Variants in CCDC141 observed in about 807,000 individuals in gnomAD.
CCDC141 encodes coiled-coil domain containing 141.
CCDC141 carries 168 observed loss-of-function variants against 181.0 expected under a neutral mutation model. That is an observed-to-expected ratio of 0.93 (90% confidence interval 0.82 to 1.05). The LOEUF (loss-of-function observed/expected upper bound fraction) is 1.05. Ranked by LOEUF, CCDC141 falls within the 50% of genes least tolerant of loss-of-function variation. The pLI, the probability that CCDC141 is intolerant of heterozygous loss-of-function variation, is 0.00. For missense variants in CCDC141, 1,902 were observed against 1,788.5 expected, an observed-to-expected ratio of 1.06 and a Z score of -1.14; for synonymous variants, 666 against 642.3, an observed-to-expected ratio of 1.04 and a Z score of -0.56.
At chr2:178,964,300 T>A (rs1690525886) in intron 4 of CCDC141, among the ~76,000 whole-genome samples, 2 of 151,992 alleles carry the variant, frequency 1.3e-5, no homozygotes. Flanking sequence ...CACGAGAAGT[T>A]TGGGAAGGCA....
intron 17 of CCDC141, among the ~76,000 whole-genome samples, chr2:178,862,593 A>G (rs1685669078): frequency 6.6e-6 from 1 of 152,226 alleles, no homozygotes; most frequent in African/African-American, 2.4e-5. Flanking sequence ...TATGAATTAT[A>G]TTCAACATTC....
intron 2 of CCDC141, among the ~76,000 whole-genome samples, chr2:178,987,365 C>T (rs1179311341): frequency 2.0e-5 from 3 of 151,922 alleles, no homozygotes; most frequent in Non-Finnish European, 1.5e-5. Context: ...CATAAAAACC[C>T]TAGAAGAAAA....
At chr2:178,893,799 T>A (rs1008044100) in intron 8 of CCDC141, among the ~76,000 whole-genome samples, 79 of 143,722 alleles carry the variant, frequency 5.5e-4, no homozygotes, top group Admixed American at 5.8e-4. Flanking sequence ...TCTCTCTCTC[T>A]CACACACACA....
At chr2:178,848,159 A>T (rs1053394252) in intron 21 of CCDC141, among the ~76,000 whole-genome samples, 2 of 152,222 alleles carry the variant, frequency 1.3e-5, no homozygotes, top group Admixed American at 1.3e-4. Flanking sequence ...TTTGGCTCTG[A>T]GAGATGGTAA....
intron 7 of CCDC141, among the ~76,000 whole-genome samples, chr2:178,911,783 T>C (rs1688230018): frequency 6.6e-6 from 1 of 152,188 alleles, no homozygotes. Flanking sequence ...CTCTAAGGCA[T>C]ACAGAGAAAT....
intron 6 of CCDC141, among the ~76,000 whole-genome samples, chr2:178,932,127 C>T (rs1284968061): frequency 6.6e-6 from 1 of 152,154 alleles, no homozygotes; most frequent in Non-Finnish European, 1.5e-5. Context: ...CACTGCACTC[C>T]AGCCTAGGTG....
At chr2:178,839,576 G>A (rs1327990209) in intron 22 of CCDC141, among the ~76,000 whole-genome samples, 8 of 54,658 alleles carry the variant, frequency 1.5e-4, no homozygotes, top group South Asian at 9.6e-4. Context: ...GTGAAACTTC[G>A]TCTCCAAAAA....
intron 2 of CCDC141, among the ~76,000 whole-genome samples, chr2:179,043,562 T>A (rs1325668017): frequency 1.3e-5 from 2 of 152,126 alleles, no homozygotes; most frequent in African/African-American, 4.8e-5. Flanking sequence ...TAAACAGAAC[T>A]AAAGACAAAA....
At chr2:178,917,046 G>A (rs1032573831) in intron 7 of CCDC141, among the ~76,000 whole-genome samples, 1 of 151,896 alleles carries the variant, frequency 6.6e-6, no homozygotes, top group African/African-American at 2.4e-5. Context: ...GAAAACAAAA[G>A]TAAGAGAATG....
At chr2:178,984,925 A>G (rs1409313027) in intron 2 of CCDC141, among the ~76,000 whole-genome samples, 7 of 150,082 alleles carry the variant, frequency 4.7e-5, no homozygotes, top group Non-Finnish European at 8.9e-5. Context: ...AAAGTCAACA[A>G]GGATACCCAG....
chr2:178,886,823 C>A lies in CCDC141; in HGVS notation c.1456G>T (p.Asp486Tyr), dbSNP rs1434135551. Residue 486 changes from aspartate (D) to tyrosine (Y), a missense_variant, in exon 10 of 24, where the codon GAT (aspartate) becomes TAT (tyrosine). Transcript: ENST00000443758. ...KISPVLSNAM[D>Y]VGSTRSESEK... ...GATTCAGAACGGGTAGAACCAACATCCATTGCATTAGAAAGTACTGGACTG... is the reference window on the plus strand; with the variant it reads ...GATTCAGAACGGGTAGAACCAACATACATTGCATTAGAAAGTACTGGACTG... 2.0e-6 allele frequency: 3 copies of A among 1,472,872 alleles called. No homozygotes were observed. Among genetic ancestry groups the A allele is most frequent in the Non-Finnish European group, 1.8e-6 (2 of 1,114,252 alleles). 91.2% of individuals were successfully genotyped at this position (1,472,872 alleles called of 1,614,324 possible).
chr2:178,815,287 T>C, the CCDC141 span, among the ~76,000 whole-genome samples: 6 of 152,318 alleles, frequency 3.9e-5, no homozygotes, highest in South Asian at 1.2e-3. Context: ...CTGAATCATA[T>C]TTTAAGGAAA....
At chr2:178,968,736 T>C (rs546828449) in intron 4 of CCDC141, among the ~76,000 whole-genome samples, 1 of 151,870 alleles carries the variant, frequency 6.6e-6, no homozygotes, top group East Asian at 1.9e-4. Flanking sequence ...ATAACTAAGA[T>C]CAGAGCAGAA....
chr2:178,822,150 C>G, the CCDC141 span, among the ~76,000 whole-genome samples: 23,248 of 151,414 alleles, frequency 0.15, 2,020 homozygotes, highest in South Asian at 0.23. Context: ...AGCAAACTAT[C>G]GCAAGGACAA....
At chr2:178,886,534 C>T (rs1263279707) in intron 10 of CCDC141, among the ~76,000 whole-genome samples, 4 of 152,004 alleles carry the variant, frequency 2.6e-5, no homozygotes, top group South Asian at 2.1e-4. Flanking sequence ...AATACCCAGC[C>T]GTAATGCTGA....
chr2:179,015,725 T>C (rs181634666), intron 2 of CCDC141, among the ~76,000 whole-genome samples: 8 of 139,762 alleles, frequency 5.7e-5, no homozygotes, highest in Non-Finnish European at 1.1e-4. Context: ...ATATCTCATA[T>C]ATATCTCATA....
At chr2:178,853,744 C>A in intron 19 of CCDC141, 120 bp from the exon 20 acceptor site, 1 of 730,184 alleles carries the variant, frequency 1.4e-6, no homozygotes, top group South Asian at 2.2e-5. Context: ...TTGGCTTGAA[C>A]TTTCTAAGTC....
intron 2 of CCDC141, among the ~76,000 whole-genome samples, chr2:178,982,365 G>T (rs1400104381): frequency 1.3e-5 from 2 of 152,098 alleles, no homozygotes; most frequent in East Asian, 3.9e-4. Context: ...GCATCAGAAA[G>T]AATAAAATAC....
intron 2 of CCDC141, among the ~76,000 whole-genome samples, chr2:179,006,974 C>T (rs757525995): frequency 1.2e-4 from 18 of 152,136 alleles, no homozygotes; most frequent in Non-Finnish European, 2.1e-4. Context: ...TCAACCTGCT[C>T]CTTCACCCAC....
Sources: allele counts gnomAD v4.1 joint callset (sites outside exome capture counted in the v4.1 genomes callset), GRCh38; gene constraint gnomAD v4.1.1; transcripts MANE v1.5; gene names NCBI Gene and HGNC (gene_info 2026-07-23, HGNC 2026-07-21).